TAS2R1: variants seen among roughly 807,000 people sequenced by gnomAD.
TAS2R1 encodes the protein taste 2 receptor member 1.
For synonymous variants in TAS2R1, 141 were observed against 134.2 expected (o/e 1.05, Z -0.35); for missense variants, 370 against 353.4 (o/e 1.05, Z -0.38).
At chr5:9,889,402 C>T in the TAS2R1 span, among the ~76,000 whole-genome samples, 1 of 152,148 alleles carries the variant, frequency 6.6e-6, no homozygotes, top group Non-Finnish European at 1.5e-5. Flanking sequence ...TGACGTAGGA[C>T]CACACATGCA....
chr5:9,767,187 T>C, the TAS2R1 span, among the ~76,000 whole-genome samples: 1 of 151,894 alleles, frequency 6.6e-6, no homozygotes, highest in African/African-American at 2.4e-5. Flanking sequence ...GTTCTTCCCA[T>C]CTTGGCAAAT....
chr5:9,885,499 C>T, the TAS2R1 span, among the ~76,000 whole-genome samples: 1 of 152,126 alleles, frequency 6.6e-6, no homozygotes, highest in East Asian at 1.9e-4. Context: ...TGCAACATTG[C>T]TCTAATTGAC....
chr5:9,776,857 A>C, the TAS2R1 span, among the ~76,000 whole-genome samples: 1 of 152,212 alleles, frequency 6.6e-6, no homozygotes, highest in African/African-American at 2.4e-5. Flanking sequence ...AATAAAACAA[A>C]TGTCCCAATA....
At chr5:9,727,967 T>C in the TAS2R1 span, among the ~76,000 whole-genome samples, 1 of 152,044 alleles carries the variant, frequency 6.6e-6, no homozygotes, top group Admixed American at 6.6e-5. Context: ...GATCTACAGA[T>C]GAGCCAAACA....
the TAS2R1 span, among the ~76,000 whole-genome samples, chr5:9,719,240 A>ATG: frequency 1.2e-4 from 18 of 151,894 alleles, no homozygotes; most frequent in Non-Finnish European, 2.2e-4. Flanking sequence ...AAAATTGTGT[A>ATG]TGTGTGTGTG....
At chr5:9,725,410 G>A in the TAS2R1 span, among the ~76,000 whole-genome samples, 1 of 152,056 alleles carries the variant, frequency 6.6e-6, no homozygotes, top group East Asian at 1.9e-4. Flanking sequence ...GGAGCAGCCG[G>A]CTGGCCCTGC....
chr5:9,854,967 GAA>G, the TAS2R1 span, among the ~76,000 whole-genome samples: 1 of 152,302 alleles, frequency 6.6e-6, no homozygotes, highest in East Asian at 1.9e-4. Context: ...GTCTTAGAGA[GAA>G]GTTTATTCAT....
At chr5:9,661,954 G>C (rs977708520) in intron 1 of TAS2R1, among the ~76,000 whole-genome samples, 2 of 152,146 alleles carry the variant, frequency 1.3e-5, no homozygotes, top group Non-Finnish European at 2.9e-5. Context: ...AGTGGATTTG[G>C]CTAGAGGTTC....
chr5:9,702,259 C>T (rs1011643384), intron 1 of TAS2R1, among the ~76,000 whole-genome samples: 1 of 152,174 alleles, frequency 6.6e-6, no homozygotes, highest in Non-Finnish European at 1.5e-5. Flanking sequence ...TTATTAAACT[C>T]TTACTCTTCT....
chr5:9,777,013 C>T, the TAS2R1 span, among the ~76,000 whole-genome samples: 12 of 152,282 alleles, frequency 7.9e-5, no homozygotes, highest in African/African-American at 1.4e-4. Context: ...AAAATGCTAA[C>T]GATCATCTGA....
intron 1 of TAS2R1, among the ~76,000 whole-genome samples, chr5:9,699,321 G>A (rs1352288383): frequency 6.6e-6 from 1 of 152,200 alleles, no homozygotes; most frequent in Non-Finnish European, 1.5e-5. Context: ...GAGCATTCGC[G>A]AATTGAATCA....
At chr5:9,702,869 A>G (rs906265207) in intron 1 of TAS2R1, among the ~76,000 whole-genome samples, 4 of 152,116 alleles carry the variant, frequency 2.6e-5, no homozygotes, top group Non-Finnish European at 4.4e-5. Context: ...GAAAGAAAAC[A>G]AGGAAGACAG....
the TAS2R1 span, among the ~76,000 whole-genome samples, chr5:9,752,830 A>C: frequency 6.6e-6 from 1 of 151,776 alleles, no homozygotes; most frequent in Admixed American, 6.6e-5. Context: ...TAGTTTGCTG[A>C]GACTGATGGT....
chr5:9,867,871 T>C, the TAS2R1 span, among the ~76,000 whole-genome samples: 3 of 152,198 alleles, frequency 2.0e-5, no homozygotes, highest in Non-Finnish European at 4.4e-5. Flanking sequence ...ATGCCCATGC[T>C]AAATGGGAGA....
chr5:9,821,442 G>GT, the TAS2R1 span, among the ~76,000 whole-genome samples: 2 of 152,166 alleles, frequency 1.3e-5, no homozygotes, highest in African/African-American at 4.8e-5. Flanking sequence ...TGAATCTTGT[G>GT]TATTAGAGAG....
the TAS2R1 span, among the ~76,000 whole-genome samples, chr5:9,719,700 G>A: frequency 2.6e-5 from 4 of 151,870 alleles, no homozygotes; most frequent in African/African-American, 4.8e-5. Context: ...AGGCCGAGGC[G>A]GGCGGATCAC....
chr5:9,677,310 G>A (rs546680208), intron 1 of TAS2R1, among the ~76,000 whole-genome samples: 3 of 152,076 alleles, frequency 2.0e-5, no homozygotes, highest in Non-Finnish European at 2.9e-5. Context: ...AGGGGTACTG[G>A]CTTAATACCT....
the TAS2R1 span, among the ~76,000 whole-genome samples, chr5:9,857,212 G>C: frequency 1.3e-5 from 2 of 152,094 alleles, no homozygotes; most frequent in African/African-American, 4.8e-5. Flanking sequence ...GATAGAAGAA[G>C]TACGTTTTAG....
intron 1 of TAS2R1, among the ~76,000 whole-genome samples, chr5:9,706,047 A>C (rs1741603091): frequency 6.6e-6 from 1 of 152,190 alleles, no homozygotes; most frequent in Non-Finnish European, 1.5e-5. Context: ...CCTCATACCT[A>C]AATCACATTC....
Sources: gnomAD v4.1 joint callset for allele counts (sites outside exome capture counted in the v4.1 genomes callset) on GRCh38, gnomAD v4.1.1 for gene constraint, MANE v1.5 for transcripts, NCBI Gene and HGNC (gene_info 2026-07-23, HGNC 2026-07-21) for gene names.